SH3RF3: variants seen among roughly 807,000 people sequenced by gnomAD.
SH3RF3 encodes SH3 domain containing ring finger 3.
SH3RF3 carries 29 observed loss-of-function variants against 66.3 expected under a neutral mutation model. The observed-to-expected ratio is 0.44, with a 90% CI of 0.33 to 0.60. The LOEUF (loss-of-function observed/expected upper bound fraction) is 0.60, where lower values mean the gene tolerates loss of function less well. Among genes scored for constraint, SH3RF3 ranks in the 20% least tolerant of loss-of-function variants. SH3RF3 has a pLI of 0.04. For missense variants in SH3RF3, 1,194 were observed against 1,190.9 expected, an observed-to-expected ratio of 1.00 and a Z score of -0.04; for synonymous variants, 583 against 532.0, an observed-to-expected ratio of 1.10 and a Z score of -1.32.
chr2:109,258,441 A>G (rs911224246), intron 1 of SH3RF3, among the ~76,000 whole-genome samples: 2 of 152,162 alleles, frequency 1.3e-5, no homozygotes, highest in Admixed American at 1.3e-4. Flanking sequence ...CCTCCTGGGT[A>G]TTGGAGGCTT....
chr2:109,462,205 G>A (rs7371677), intron 8 of SH3RF3, among the ~76,000 whole-genome samples: 70,394 of 148,210 alleles, frequency 0.47, 18,129 homozygotes, highest in Non-Finnish European at 0.56. Context: ...CTTGAGGAAG[G>A]CAAAGGTGAT....
intron 1 of SH3RF3, among the ~76,000 whole-genome samples, chr2:109,320,636 A>T (rs944956621): frequency 3.3e-5 from 5 of 152,244 alleles, no homozygotes; most frequent in Non-Finnish European, 7.3e-5. Context: ...GCTGGATTCC[A>T]GCTCTATAAC....
chr2:109,334,897 C>T (rs750612854), intron 1 of SH3RF3, among the ~76,000 whole-genome samples: 1 of 152,180 alleles, frequency 6.6e-6, no homozygotes, highest in Non-Finnish European at 1.5e-5. Context: ...TATTGAGAAG[C>T]CTTCTTTTTG....
At chr2:109,164,807 T>C (rs903997471) in intron 1 of SH3RF3, among the ~76,000 whole-genome samples, 2 of 152,232 alleles carry the variant, frequency 1.3e-5, no homozygotes, top group African/African-American at 4.8e-5. Flanking sequence ...TGGCACCCTA[T>C]TGAGCCAGGA....
chr2:109,457,102 C>A (rs2104667742), intron 8 of SH3RF3, among the ~76,000 whole-genome samples: 1 of 152,296 alleles, frequency 6.6e-6, no homozygotes, highest in Non-Finnish European at 1.5e-5. Flanking sequence ...GTTTCCACAT[C>A]TGTGAAATGG....
At chr2:109,380,410 T>C (rs1388006011) in intron 3 of SH3RF3, among the ~76,000 whole-genome samples, 3 of 152,200 alleles carry the variant, frequency 2.0e-5, no homozygotes, top group Non-Finnish European at 2.9e-5. Context: ...CTAGCTACCC[T>C]GTGCACCTGT....
chr2:109,209,182 T>C (rs565890154), intron 1 of SH3RF3, among the ~76,000 whole-genome samples: 8 of 152,364 alleles, frequency 5.3e-5, no homozygotes, highest in Middle Eastern at 3.4e-3. Flanking sequence ...ATCATAGTTG[T>C]GTACCTGAGG....
intron 9 of SH3RF3, among the ~76,000 whole-genome samples, chr2:109,499,847 C>G (rs973841557): frequency 6.6e-5 from 10 of 152,142 alleles, no homozygotes; most frequent in African/African-American, 9.7e-5. Flanking sequence ...TAATCGGCAA[C>G]ATAACTGACA....
chr2:109,423,091 C>A (rs1267107814), intron 5 of SH3RF3, among the ~76,000 whole-genome samples: 1 of 152,186 alleles, frequency 6.6e-6, no homozygotes, highest in Non-Finnish European at 1.5e-5. Context: ...CAGTTCATTA[C>A]CTGCAGGGAA....
At chr2:109,174,730 G>A (rs755534582) in intron 1 of SH3RF3, among the ~76,000 whole-genome samples, 6 of 152,234 alleles carry the variant, frequency 3.9e-5, no homozygotes, top group Admixed American at 6.5e-5. Context: ...TTAACCCAGC[G>A]TCTTTGGAGG....
At chr2:109,249,523 C>T (rs56076717) in intron 1 of SH3RF3, among the ~76,000 whole-genome samples, 1,164 of 106,960 alleles carry the variant, frequency 0.011, 7 homozygotes, top group Non-Finnish European at 0.016. Flanking sequence ...CTTTCTTTTT[C>T]TTTCTTTCTT....
At chr2:109,404,232 C>T (rs1400829780) in intron 4 of SH3RF3, among the ~76,000 whole-genome samples, 1 of 152,150 alleles carries the variant, frequency 6.6e-6, no homozygotes, top group African/African-American at 2.4e-5. Context: ...CTGAAATATC[C>T]ACTGTCAAGC....
chr2:109,220,981 T>C (rs540975268), intron 1 of SH3RF3, among the ~76,000 whole-genome samples: 54 of 152,254 alleles, frequency 3.5e-4, no homozygotes, highest in Admixed American at 9.8e-4. Context: ...ATGTTCATAA[T>C]TGCATTATTC....
At chr2:109,255,975 C>T (rs1255341168) in intron 1 of SH3RF3, among the ~76,000 whole-genome samples, 1 of 152,194 alleles carries the variant, frequency 6.6e-6, no homozygotes, top group Non-Finnish European at 1.5e-5. Flanking sequence ...ATGCACCTGT[C>T]CCCTGAGGAA....
chr2:109,344,282 T>C (rs1219698187), intron 1 of SH3RF3, among the ~76,000 whole-genome samples: 2 of 152,144 alleles, frequency 1.3e-5, no homozygotes, highest in African/African-American at 4.8e-5. Flanking sequence ...GAGTGGCTGA[T>C]GGGTGCTGAT....
intron 1 of SH3RF3, among the ~76,000 whole-genome samples, chr2:109,262,527 G>A (rs758850174): frequency 6.6e-6 from 1 of 152,110 alleles, no homozygotes; most frequent in Admixed American, 6.5e-5. Context: ...CTTTCCTTGC[G>A]GCCTCATCCT....
chr2:109,335,495 C>T (rs1052192200), intron 1 of SH3RF3, among the ~76,000 whole-genome samples: 1 of 152,210 alleles, frequency 6.6e-6, no homozygotes, highest in African/African-American at 2.4e-5. Context: ...CGCTCATCCA[C>T]GTGTCCCTCA....
At chr2:109,324,225 G>A (rs1048224936) in intron 1 of SH3RF3, among the ~76,000 whole-genome samples, 4 of 152,162 alleles carry the variant, frequency 2.6e-5, no homozygotes, top group Non-Finnish European at 5.9e-5. Flanking sequence ...TGGACATCTG[G>A]GATGTTCTCA....
intron 1 of SH3RF3, among the ~76,000 whole-genome samples, chr2:109,291,942 C>T (rs1238580458): frequency 6.6e-6 from 1 of 152,260 alleles, no homozygotes; most frequent in East Asian, 1.9e-4. Context: ...CGGCTCACCA[C>T]AAGCCCTGCC....
Sources: gnomAD v4.1 joint callset for allele counts (sites outside exome capture counted in the v4.1 genomes callset) on GRCh38, gnomAD v4.1.1 for gene constraint, MANE v1.5 for transcripts, NCBI Gene and HGNC (gene_info 2026-07-23, HGNC 2026-07-21) for gene names.